Variants in DLGAP2 observed in about 807,000 individuals in gnomAD.
DLGAP2 encodes the protein disks large-associated protein 2.
A neutral mutation model predicts 100.3 loss-of-function variants in DLGAP2; 26 were observed. That is an observed-to-expected ratio of 0.26 (90% CI 0.19 to 0.36). The LOEUF is 0.36. Among genes scored for constraint, DLGAP2 ranks in the 10% least tolerant of loss-of-function variants. The pLI, the probability that DLGAP2 is intolerant of heterozygous loss-of-function variation, is 1.00. For synonymous variants in DLGAP2, 886 were observed against 630.1 expected, an observed-to-expected ratio of 1.41 and a Z score of -6.08; for missense variants, 1,858 against 1,453.2, an observed-to-expected ratio of 1.28 and a Z score of -4.53.
At chr8:1,491,015 A>G (rs1055196232) in intron 3 of DLGAP2, among the ~76,000 whole-genome samples, 18 of 148,430 alleles carry the variant, frequency 1.2e-4, no homozygotes, top group Non-Finnish European at 2.5e-4. Context: ...CCTAAAACTT[A>G]AAGTATAATA....
intron 2 of DLGAP2, among the ~76,000 whole-genome samples, chr8:916,066 C>G (rs1798586900): frequency 6.6e-6 from 1 of 151,600 alleles, no homozygotes; most frequent in Non-Finnish European, 1.5e-5. Context: ...GTCTGTCCGT[C>G]AGTTCACCCG....
intron 2 of DLGAP2, among the ~76,000 whole-genome samples, chr8:916,594 C>T (rs1435507684): frequency 1.3e-5 from 2 of 152,032 alleles, no homozygotes; most frequent in Admixed American, 6.6e-5. Flanking sequence ...CAACATGGCA[C>T]ATGTATACAT....
intron 1 of DLGAP2, among the ~76,000 whole-genome samples, chr8:899,329 C>T (rs976470886): frequency 6.6e-6 from 1 of 152,220 alleles, no homozygotes; most frequent in African/African-American, 2.4e-5. Context: ...CTGAGACGTC[C>T]CCTGAGCAGC....
At chr8:1,510,139 T>C (rs1800109027) in intron 4 of DLGAP2, among the ~76,000 whole-genome samples, 1 of 152,244 alleles carries the variant, frequency 6.6e-6, no homozygotes, top group East Asian at 1.9e-4. Context: ...CACGCTCCCG[T>C]GCAAATGGGC....
chr8:835,174 T>G (rs1456025872), intron 1 of DLGAP2, among the ~76,000 whole-genome samples: 1 of 152,224 alleles, frequency 6.6e-6, no homozygotes, highest in Non-Finnish European at 1.5e-5. Flanking sequence ...TGCACTGAAT[T>G]GAATTCACCA....
chr8:1,283,956 G>A (rs924717575), intron 3 of DLGAP2, among the ~76,000 whole-genome samples: 3 of 152,190 alleles, frequency 2.0e-5, no homozygotes, highest in Non-Finnish European at 2.9e-5. Flanking sequence ...CTAAAGTAAC[G>A]TTCAAAGTGA....
At position 1,615,182 on chromosome 8, in the gene DLGAP2, A is replaced by G. The variant is rs1472827811; in HGVS notation, c.1443-11558A>G. Among the ~76,000 whole-genome samples, 3 of 152,218 alleles carry G rather than the reference A, an allele frequency of 2.0e-5. No homozygotes were observed. In the East Asian group the frequency reaches 5.8e-4, roughly 29 times the overall value. On this transcript the variant is annotated intron_variant, in intron 6 of 14. Transcript: ENST00000637795. ...GGACCCCTGAAAAAGTTTAGTTTCCAGCTGCTGACCACCGATGGTGAAGAT... is the reference window on the plus strand; with the variant it reads ...GGACCCCTGAAAAAGTTTAGTTTCCGGCTGCTGACCACCGATGGTGAAGAT...
At chr8:1,529,362 A>T (rs1800906510) in intron 4 of DLGAP2, among the ~76,000 whole-genome samples, 1 of 152,146 alleles carries the variant, frequency 6.6e-6, no homozygotes, top group African/African-American at 2.4e-5. Flanking sequence ...GTCATTGAAG[A>T]TGAGATTTAG....
intron 1 of DLGAP2, among the ~76,000 whole-genome samples, chr8:880,098 C>T (rs1040607771): frequency 6.6e-6 from 1 of 152,122 alleles, no homozygotes; most frequent in Non-Finnish European, 1.5e-5. Context: ...CTGGTCTTTC[C>T]TTTGAGAGGG....
intron 3 of DLGAP2, among the ~76,000 whole-genome samples, chr8:1,326,784 C>G (rs545186578): frequency 3.6e-4 from 55 of 152,340 alleles, no homozygotes; most frequent in African/African-American, 1.3e-3. Flanking sequence ...ACAGCTGTTT[C>G]CATCTCTCAT....
At chr8:937,056 G>GTT (rs775777453) in intron 2 of DLGAP2, among the ~76,000 whole-genome samples, 10 of 152,206 alleles carry the variant, frequency 6.6e-5, no homozygotes, top group Non-Finnish European at 1.3e-4. Flanking sequence ...ATGGCCTCCT[G>GTT]TGTGAAGGCC....
intron 3 of DLGAP2, among the ~76,000 whole-genome samples, chr8:1,479,212 G>A (rs1026744143): frequency 6.6e-6 from 1 of 152,304 alleles, no homozygotes; most frequent in East Asian, 1.9e-4. Context: ...GGTCTAACAC[G>A]ATGCTCCTTT....
chr8:1,540,535 GA>G (rs1205621174), intron 4 of DLGAP2, among the ~76,000 whole-genome samples: 3 of 150,862 alleles, frequency 2.0e-5, no homozygotes, highest in East Asian at 1.9e-4. Context: ...CATGAGAAAA[GA>G]AAAAAAAACA....
chr8:1,194,106 A>T (rs758328316), intron 2 of DLGAP2, among the ~76,000 whole-genome samples: 22 of 152,092 alleles, frequency 1.4e-4, no homozygotes, highest in Admixed American at 3.9e-4. Context: ...TCCAGTTTTG[A>T]CGCTGTGGAA....
intron 1 of DLGAP2, among the ~76,000 whole-genome samples, chr8:808,654 C>T (rs763421560): frequency 7.9e-5 from 12 of 152,146 alleles, no homozygotes; most frequent in Admixed American, 3.9e-4. Flanking sequence ...TCCTGCCCAC[C>T]CAGGGTGGAC....
chr8:1,257,389 C>G (rs1034464281), intron 2 of DLGAP2, among the ~76,000 whole-genome samples: 1 of 152,040 alleles, frequency 6.6e-6, no homozygotes, highest in Admixed American at 6.5e-5. Flanking sequence ...TTTAATGTTC[C>G]GCTCCCTCCT....
intron 10 of DLGAP2, among the ~76,000 whole-genome samples, chr8:1,675,445 G>C (rs1346328328): frequency 6.6e-6 from 1 of 152,180 alleles, no homozygotes; most frequent in East Asian, 1.9e-4. Flanking sequence ...CCTGGCGCAG[G>C]GTACGCACCA....
intron 8 of DLGAP2, among the ~76,000 whole-genome samples, chr8:1,641,059 G>C (rs762463078): frequency 1.3e-5 from 2 of 152,124 alleles, no homozygotes; most frequent in African/African-American, 4.8e-5. Flanking sequence ...TGGGAGACAC[G>C]GGTAAGGGTC....
intron 2 of DLGAP2, among the ~76,000 whole-genome samples, chr8:1,212,744 CCTCT>C (rs67758517): frequency 7.0e-6 from 1 of 141,992 alleles, no homozygotes; most frequent in South Asian, 2.4e-4. Context: ...TTTGCCAAGA[CCTCT>C]CTCTCTCTCT....
Sources: allele counts gnomAD v4.1 joint callset (sites outside exome capture counted in the v4.1 genomes callset), GRCh38; gene constraint gnomAD v4.1.1; transcripts MANE v1.5; gene names NCBI Gene and HGNC (gene_info 2026-07-23, HGNC 2026-07-21).